The following GRID1 variants were observed in gnomAD, a reference collection of about 807,000 sequenced individuals.
GRID1 encodes the protein glutamate receptor ionotropic, delta-1.
A neutral mutation model predicts 98.0 loss-of-function variants in GRID1; 28 were observed. That is an observed-to-expected ratio of 0.29 (90% CI 0.21 to 0.39). GRID1 has a LOEUF of 0.39. Ranked by LOEUF, GRID1 falls within the 10% of genes least tolerant of loss-of-function variation. The probability of loss-of-function intolerance (pLI) is 1.00; values close to 1 mark genes in which losing one functional copy is unlikely to be tolerated. For missense variants in GRID1, 1,111 were observed against 1,340.5 expected, an observed-to-expected ratio of 0.83 and a Z score of 2.67; for synonymous variants, 553 against 538.5, an observed-to-expected ratio of 1.03 and a Z score of -0.37.
chr10:85,667,234 A>C (rs1432826844), intron 12 of GRID1, among the ~76,000 whole-genome samples: 1 of 151,812 alleles, frequency 6.6e-6, no homozygotes, highest in East Asian at 1.9e-4. Context: ...TCCTGGGAAA[A>C]ATTTCCCCCG....
intron 4 of GRID1, among the ~76,000 whole-genome samples, chr10:85,971,461 T>C (rs540946011): frequency 1.5e-3 from 233 of 152,016 alleles, no homozygotes; most frequent in African/African-American, 5.3e-3. Flanking sequence ...TTCAGCATTT[T>C]TAGTTTTAAA....
chr10:86,071,474 T>A (rs1843803655), intron 4 of GRID1, among the ~76,000 whole-genome samples: 2 of 152,256 alleles, frequency 1.3e-5, no homozygotes, highest in South Asian at 4.1e-4. Flanking sequence ...CAACGTGATA[T>A]AGCGTGAGAT....
At chr10:86,277,627 T>TA in intron 2 of GRID1, among the ~76,000 whole-genome samples, 1 of 152,210 alleles carries the variant, frequency 6.6e-6, no homozygotes, top group Non-Finnish European at 1.5e-5. Flanking sequence ...CAGTTCTAAT[T>TA]AGATTGTTAT....
At chr10:86,007,954 C>T (rs1444607746) in intron 4 of GRID1, among the ~76,000 whole-genome samples, 6 of 151,974 alleles carry the variant, frequency 3.9e-5, no homozygotes, top group East Asian at 1.9e-4. Flanking sequence ...AGACCACAAA[C>T]GTTTCATGAT....
chr10:85,624,088 AG>A (rs1842884953), intron 13 of GRID1, among the ~76,000 whole-genome samples: 1 of 152,170 alleles, frequency 6.6e-6, no homozygotes, highest in Non-Finnish European at 1.5e-5. Flanking sequence ...CCCTACTTAC[AG>A]GTGGCTGTGG....
At chr10:86,286,308 C>T (rs1847430469) in intron 2 of GRID1, among the ~76,000 whole-genome samples, 1 of 152,174 alleles carries the variant, frequency 6.6e-6, no homozygotes, top group East Asian at 1.9e-4. Context: ...CCAGCACTGA[C>T]CTGAGTGCTG....
intron 13 of GRID1, among the ~76,000 whole-genome samples, chr10:85,643,111 C>A (rs1398716813): frequency 1.3e-5 from 2 of 152,232 alleles, no homozygotes; most frequent in African/African-American, 2.4e-5. Flanking sequence ...TCCATACCAA[C>A]CTCCTTGACT....
intron 2 of GRID1, among the ~76,000 whole-genome samples, chr10:86,224,577 A>C (rs1846311241): frequency 6.6e-6 from 1 of 152,308 alleles, no homozygotes; most frequent in African/African-American, 2.4e-5. Context: ...CTACTCTCAA[A>C]GACCCCAGCC....
At chr10:85,694,550 GTATATATATATATATA>G (rs56344083) in intron 12 of GRID1, among the ~76,000 whole-genome samples, 5,716 of 92,652 alleles carry the variant, frequency 0.062, 308 homozygotes, top group South Asian at 0.13. Flanking sequence ...AATGTGGTGT[GTATATATATATATATA>G]TATATATATA....
chr10:86,206,263 A>G lies in GRID1; in HGVS notation c.520+101T>C. 8.7e-7 allele frequency: 1 copy of G among 1,153,414 alleles called. No homozygotes were observed. Among genetic ancestry groups the G allele is most frequent in the Non-Finnish European group, 1.2e-6 (1 of 822,076 alleles). The allele number at this position is 1,153,414 out of a possible 1,614,324, so 71.4% of individuals were successfully genotyped here. On this transcript the variant is annotated intron_variant, in intron 3 of 15. Coordinates refer to ENST00000327946, the MANE Select transcript of GRID1 (RefSeq NM_017551.3). This position sits in a 1 kb window ranked among gnomAD's most constrained non-coding sequence, Gnocchi z 4.1. ...TCACCTGGAGGCCCACTCAGCACAGACCACCCCTGACCGGTCCAGGGCCCC... is the reference window on the plus strand; with the variant it reads ...TCACCTGGAGGCCCACTCAGCACAGGCCACCCCTGACCGGTCCAGGGCCCC...
intron 5 of GRID1, among the ~76,000 whole-genome samples, chr10:85,906,454 T>C (rs1030518546): frequency 2.0e-5 from 3 of 152,176 alleles, no homozygotes; most frequent in Admixed American, 1.3e-4. Flanking sequence ...AATGGATCCT[T>C]TTCAAGTATA....
At chr10:85,729,339 A>C (rs748414751) in intron 9 of GRID1, among the ~76,000 whole-genome samples, 174 bp downstream of exon 9, 1 of 152,198 alleles carries the variant, frequency 6.6e-6, no homozygotes, top group Non-Finnish European at 1.5e-5. Context: ...CAGAAACTTC[A>C]ATCTCACTCT....
chr10:85,848,531 A>G (rs1477224455), intron 8 of GRID1, among the ~76,000 whole-genome samples: 3 of 152,198 alleles, frequency 2.0e-5, no homozygotes, highest in African/African-American at 7.2e-5. Context: ...GAAGGTCAGG[A>G]TATAAAATGT....
At chr10:85,934,752 G>A (rs1430936935) in intron 4 of GRID1, among the ~76,000 whole-genome samples, 2 of 152,184 alleles carry the variant, frequency 1.3e-5, no homozygotes, top group Admixed American at 6.5e-5. Context: ...CAGGATGCCA[G>A]TCACGCTGGC....
chr10:85,828,679 C>G (rs1842841428), intron 8 of GRID1, among the ~76,000 whole-genome samples: 1 of 151,960 alleles, frequency 6.6e-6, no homozygotes, highest in Admixed American at 6.6e-5. Context: ...CTCTGAACAC[C>G]TCTGTGCACA....
intron 2 of GRID1, among the ~76,000 whole-genome samples, chr10:86,325,421 C>T (rs568319356): frequency 2.0e-5 from 3 of 152,298 alleles, no homozygotes; most frequent in Admixed American, 1.3e-4. Flanking sequence ...TACACTCAAC[C>T]TCCACTTATG....
chr10:86,140,691 C>T (rs1844998551), intron 3 of GRID1, among the ~76,000 whole-genome samples: 1 of 152,170 alleles, frequency 6.6e-6, no homozygotes, highest in South Asian at 2.1e-4. Context: ...GCCACGAACT[C>T]CGACACTTAG....
chr10:85,829,527 T>A (rs549683817), intron 8 of GRID1, among the ~76,000 whole-genome samples: 1 of 152,302 alleles, frequency 6.6e-6, no homozygotes, highest in East Asian at 1.9e-4. Flanking sequence ...TGTTTGTGGA[T>A]GATTAATTCT....
intron 12 of GRID1, among the ~76,000 whole-genome samples, chr10:85,673,722 C>A (rs769178154): frequency 5.9e-5 from 9 of 152,202 alleles, no homozygotes; most frequent in Non-Finnish European, 8.8e-5. Context: ...ATAAACATAA[C>A]TTTTATATGC....
Sources: gnomAD v4.1 joint callset for allele counts (sites outside exome capture counted in the v4.1 genomes callset) on GRCh38, gnomAD v4.1.1 for gene constraint, Gnocchi (gnomAD v3.1) non-coding constraint, MANE v1.5 for transcripts, NCBI Gene and HGNC (gene_info 2026-07-23, HGNC 2026-07-21) for gene names.